Variants in LARGE1 observed in about 807,000 individuals in gnomAD.
LARGE1 encodes the protein LARGE xylosyl- and glucuronyltransferase 1.
Under a neutral mutation model 87.6 loss-of-function variants are expected in LARGE1, and 43 were observed. The ratio of observed to expected loss-of-function variants is 0.49; its 90% CI spans 0.38 to 0.63. The LOEUF (loss-of-function observed/expected upper bound fraction) is 0.63. Ranked by LOEUF, LARGE1 falls within the 30% of genes least tolerant of loss-of-function variation. LARGE1 has a pLI of 0.00. For missense variants in LARGE1, 802 were observed against 1,000.2 expected, an observed-to-expected ratio of 0.80 and a Z score of 2.67; for synonymous variants, 434 against 394.6, an observed-to-expected ratio of 1.10 and a Z score of -1.18.
intron 12 of LARGE1, among the ~76,000 whole-genome samples, chr22:33,294,420 A>T (rs1304196468): frequency 6.6e-6 from 1 of 152,206 alleles, no homozygotes; most frequent in African/African-American, 2.4e-5. Flanking sequence ...GTTCTCATAC[A>T]AGTTCCCAGG....
At chr22:33,917,021 T>G (rs1198774019) in intron 1 of LARGE1, among the ~76,000 whole-genome samples, 1 of 152,216 alleles carries the variant, frequency 6.6e-6, no homozygotes, top group Non-Finnish European at 1.5e-5. Context: ...ACTACCTAAA[T>G]GTGCACTACA....
intron 2 of LARGE1, among the ~76,000 whole-genome samples, chr22:33,706,174 G>C (rs1323167672): frequency 6.6e-6 from 1 of 152,216 alleles, no homozygotes; most frequent in Non-Finnish European, 1.5e-5. Context: ...CGTTTGATCA[G>C]TGCTGAGTTT....
chr22:33,602,233 C>T (rs1039173356), intron 5 of LARGE1, among the ~76,000 whole-genome samples: 11 of 152,188 alleles, frequency 7.2e-5, no homozygotes, highest in Non-Finnish European at 7.4e-5. Flanking sequence ...AATTCTTCGG[C>T]GGTAAACCAG....
At chr22:33,412,136 T>C (rs938572155) in intron 7 of LARGE1, among the ~76,000 whole-genome samples, 1 of 152,002 alleles carries the variant, frequency 6.6e-6, no homozygotes, top group Non-Finnish European at 1.5e-5. Flanking sequence ...GTACAAAAAT[T>C]AGCCAGGCGT....
chr22:33,800,378 A>G (rs763989966), intron 1 of LARGE1, among the ~76,000 whole-genome samples: 2 of 152,210 alleles, frequency 1.3e-5, no homozygotes, highest in Non-Finnish European at 2.9e-5. Context: ...AATTAATTAG[A>G]CCACAGACCT....
Position 33,886,656 on chromosome 22 carries a change from C to CAAAAAAA in LARGE1, c.-83+33332_-83+33338dup, listed in dbSNP as rs869173776. On this transcript the variant is annotated intron_variant, in intron 1 of 14. Transcript: ENST00000397394. ...CCTGGACAACAGAGTGAGATTCTGC[C>CAAAAAAA]AAAAAAAAAAAAAAAAAAGAAAAAA... Among the ~76,000 whole-genome samples the CAAAAAAA allele has an allele frequency of 1.7e-4, 6 of 34,574 alleles. 2 individuals are homozygous for CAAAAAAA. Among genetic ancestry groups the CAAAAAAA allele is most frequent in the Admixed American group, 9.8e-4 (2 of 2,044 alleles). 22.7% of individuals were successfully genotyped at this position (34,574 alleles called of 152,430 possible).
rs1267975106 is a variant in LARGE1, at chr22:33,650,475, C to G, written c.300G>C (p.Lys100Asn). The change falls in exon 3 of 15, where the codon AAG becomes AAC. Residue 100 changes from lysine (K) to asparagine (N), a missense_variant. Lys to Asn is a moderately conservative substitution (Grantham distance 94). Transcript: ENST00000397394. ...APSHRRGNHS[K>N]TYSMEEGTGD... ...CAGTGCCCTCCTCCATGGAGTAGGT[C>G]TTGGAGTGGTTGCCTCGGCGATGGG... The G allele has an allele frequency of 6.2e-7, 1 of 1,614,030 alleles. No individual in the cohort carries two copies. The highest frequency in any genetic ancestry group is 1.7e-5 in the Admixed American group (1 of 60,032).
chr22:33,417,427 A>T (rs538437490), intron 7 of LARGE1, among the ~76,000 whole-genome samples: 1 of 152,336 alleles, frequency 6.6e-6, no homozygotes, highest in South Asian at 2.1e-4. Flanking sequence ...CAGTCAACAA[A>T]TATTTATTGA....
chr22:33,239,437 A>C (rs1162339450), intron 11 of LARGE1, among the ~76,000 whole-genome samples: 2 of 151,322 alleles, frequency 1.3e-5, no homozygotes, highest in Admixed American at 1.3e-4. Context: ...TTTTAATTGC[A>C]CTTTCCTGGT....
chr22:33,765,423 G>A (rs906810421), intron 1 of LARGE1, among the ~76,000 whole-genome samples: 10 of 152,066 alleles, frequency 6.6e-5, no homozygotes, highest in African/African-American at 2.4e-4. Context: ...ATAGACAAGG[G>A]CTGGGTGCAG....
At chr22:33,321,438 C>T (rs1029018538) in intron 10 of LARGE1, among the ~76,000 whole-genome samples, 2 of 152,172 alleles carry the variant, frequency 1.3e-5, no homozygotes, top group Admixed American at 1.3e-4. Context: ...TGTTACCTCC[C>T]GGCAGAAAAC....
chr22:33,240,967 A>G (rs1190003813), intron 11 of LARGE1, among the ~76,000 whole-genome samples: 1 of 151,998 alleles, frequency 6.6e-6, no homozygotes, highest in African/African-American at 2.4e-5. Flanking sequence ...CTTACCTCCA[A>G]ATTCAGGGCT....
At chr22:33,344,896 G>A (rs1939583265) in intron 9 of LARGE1, among the ~76,000 whole-genome samples, 1 of 152,002 alleles carries the variant, frequency 6.6e-6, no homozygotes, top group Admixed American at 6.6e-5. Context: ...TTGCTGGCTT[G>A]GGGGCAGGAA....
At chr22:33,573,696 G>A (rs1555961703) in intron 5 of LARGE1, among the ~76,000 whole-genome samples, 1 of 152,136 alleles carries the variant, frequency 6.6e-6, no homozygotes, top group Admixed American at 6.5e-5. Context: ...GCTTAAAACA[G>A]CACCAGTTAT....
At chr22:33,921,035 C>G (rs1365185589), upstream of LARGE1, among the ~76,000 whole-genome samples, 3 of 150,158 alleles carry the variant, frequency 2.0e-5, no homozygotes, top group Non-Finnish European at 3.0e-5. This position sits in a 1 kb window ranked among gnomAD's most constrained non-coding sequence, Gnocchi z 4.1. Flanking sequence ...GTCTGTGCAG[C>G]CGGGGGGGAC....
chr22:33,131,300 C>G, the LARGE1 span, among the ~76,000 whole-genome samples: 1 of 152,092 alleles, frequency 6.6e-6, no homozygotes, highest in Non-Finnish European at 1.5e-5. Context: ...AGTCTGTTCT[C>G]TCTCTCTCTC....
At chr22:33,675,292 CAAA>C (rs71320987) in intron 2 of LARGE1, among the ~76,000 whole-genome samples, 64 of 32,914 alleles carry the variant, frequency 1.9e-3, no homozygotes, top group African/African-American at 3.8e-3. Flanking sequence ...GAAACTCCAT[CAAA>C]AAAAAAAAAA....
the LARGE1 span, among the ~76,000 whole-genome samples, chr22:33,124,356 AGAAGGAAG>A: frequency 2.3e-4 from 16 of 69,054 alleles, no homozygotes; most frequent in African/African-American, 4.7e-4. Context: ...AAGAAAGGAA[AGAAGGAAG>A]GAAGGAAGGA....
At chr22:33,756,968 G>C (rs2084537327) in intron 2 of LARGE1, among the ~76,000 whole-genome samples, 2 of 152,314 alleles carry the variant, frequency 1.3e-5, no homozygotes, top group Middle Eastern at 3.4e-3. Context: ...GAACGGCGTA[G>C]AGCTGGGAAT....
Sources: allele counts gnomAD v4.1 joint callset (sites outside exome capture counted in the v4.1 genomes callset), GRCh38; gene constraint gnomAD v4.1.1; non-coding constraint Gnocchi (gnomAD v3.1); transcripts MANE v1.5; gene names NCBI Gene and HGNC (gene_info 2026-07-23, HGNC 2026-07-21).